The following PPFIA4 variants were observed in gnomAD, a reference collection of about 807,000 sequenced individuals.
PPFIA4 encodes liprin-alpha-4.
Under a neutral mutation model 145.7 loss-of-function variants are expected in PPFIA4, and 98 were observed. That is an observed-to-expected ratio of 0.67 (90% CI 0.57 to 0.80). The LOEUF (loss-of-function observed/expected upper bound fraction) is 0.80, where lower values mean the gene tolerates loss of function less well. Among genes scored for constraint, PPFIA4 ranks in the 30% least tolerant of loss-of-function variants. The probability of loss-of-function intolerance (pLI) is 0.00; values close to 1 mark genes in which losing one functional copy is unlikely to be tolerated. For missense variants in PPFIA4, 1,457 were observed against 1,632.7 expected, an observed-to-expected ratio of 0.89 and a Z score of 1.85; for synonymous variants, 628 against 649.6, an observed-to-expected ratio of 0.97 and a Z score of 0.51.
intron 1 of PPFIA4, among the ~76,000 whole-genome samples, chr1:203,036,729 A>G (rs1659300890): frequency 6.6e-6 from 1 of 152,196 alleles, no homozygotes; most frequent in Non-Finnish European, 1.5e-5. Context: ...GCAGCTCTGG[A>G]CAGACTGGGG....
In PPFIA4 at chr1:203,075,639, C is replaced by G. The variant is rs558653480; in HGVS notation, c.3456C>G (p.His1152Gln). The change falls in exon 29 of 30, where the codon CAC (histidine) becomes CAG (glutamine). Residue 1152 changes from histidine to glutamine, a missense_variant. Transcript: ENST00000295706. This position sits in a 1 kb window ranked among gnomAD's most constrained non-coding sequence, Gnocchi z 4.1. ...GGAAGCGCTTCCGGCCGCGGGAGCA[C>G]CACGGTCGCGGCGGCATGCTCAGCG... ...SWRKRFRPREHHGRGGMLSAS... is the reference protein window; with the variant it reads ...SWRKRFRPREQHGRGGMLSAS... The G allele has an allele frequency of 4.0e-6, 6 of 1,499,802 alleles. No individual in the cohort carries two copies. The highest frequency in any genetic ancestry group is 3.6e-6 in the Non-Finnish European group (4 of 1,123,172). 92.9% of individuals were successfully genotyped at this position (1,499,802 alleles called of 1,614,324 possible).
At chr1:203,073,519 G>C (rs1455609028) in intron 28 of PPFIA4, among the ~76,000 whole-genome samples, 1 of 151,858 alleles carries the variant, frequency 6.6e-6, no homozygotes, top group Non-Finnish European at 1.5e-5. Context: ...GTGAGGGGAG[G>C]GTCTGGGGTC....
rs1464290491 is a variant in PPFIA4 at position 203,060,417 on chromosome 1, T to C, written c.2784T>C (p.Thr928=). Residue 928 remains threonine, a splice_region_variant and synonymous_variant, in exon 22 of 30, where the codon ACT becomes ACC. Transcript: ENST00000295706. The surrounding 1 kb of genome is among the most constrained non-coding windows in gnomAD (Gnocchi z 4.8). ...CCTCTGCCCCACCCACCTCCAGGAC[T>C]GTGAGTGGCCCCTCCTTTGCCCAGG... The part of the protein sequence containing the change: ...TSPSAPPTSR[T]SSGNVWVTHE... The C allele has an allele frequency of 6.2e-7, 1 of 1,612,492 alleles. No homozygotes were observed. The highest frequency in any genetic ancestry group is 1.3e-5 in the African/African-American group (1 of 74,926).
intron 19 of PPFIA4, among the ~76,000 whole-genome samples, chr1:203,057,448 G>A (rs1194854590): frequency 2.0e-5 from 3 of 152,188 alleles, no homozygotes; most frequent in Non-Finnish European, 4.4e-5. Flanking sequence ...GCGTGGCATC[G>A]TTATCACCTC....
At position 203,068,724 on chromosome 1, in the gene PPFIA4, G is replaced by A; in HGVS notation, c.3324+96G>A. On this transcript the variant is annotated intron_variant, in intron 27 of 29. Transcript: ENST00000295706. The surrounding 1 kb of genome is among the most constrained non-coding windows in gnomAD (Gnocchi z 4.7). The stretch of plus-strand genomic sequence containing the variant: ...ATACACAAAGGCTTAGGTATCTTGG[G>A]GGGTGGGGAGCTTTTCTAGGGCCTA... 6 of 1,290,934 alleles carry A rather than the reference G, an allele frequency of 4.6e-6. No homozygotes were observed. The highest frequency in any genetic ancestry group is 6.1e-6 in the Non-Finnish European group (6 of 982,484). 80.0% of individuals were successfully genotyped at this position (1,290,934 alleles called of 1,614,324 possible). A position where few individuals can be genotyped will look rare whatever the true frequency, so the allele number is the denominator to read the frequency against.
intron 9 of PPFIA4, among the ~76,000 whole-genome samples, chr1:203,047,342 T>C (rs868115732): frequency 6.6e-6 from 1 of 152,238 alleles, no homozygotes; most frequent in South Asian, 2.1e-4. Context: ...CTCGGAGGTC[T>C]TTCCAGCCTC....
chr1:203,059,085 G>C, intron 19 of PPFIA4, 93 bp from the exon 20 acceptor site: 2 of 1,006,328 alleles, frequency 2.0e-6, no homozygotes, highest in Non-Finnish European at 3.0e-6. Flanking sequence ...CCTCTGCCAA[G>C]GAGCCTCCTG....
chr1:203,075,870 G>C lies in PPFIA4; in HGVS notation c.3574+113G>C. On this transcript the variant is annotated intron_variant, in intron 29 of 29. Transcript: ENST00000295706. The surrounding 1 kb of genome is among the most constrained non-coding windows in gnomAD (Gnocchi z 4.1). Reference sequence around the variant, plus strand: ...GGCGAGGCCGAGGCTGGTGCCCCGCGCTCCTGCGCTGCAGCTGCACTAACG... The same window carrying C: ...GGCGAGGCCGAGGCTGGTGCCCCGCCCTCCTGCGCTGCAGCTGCACTAACG... 2 of 1,080,416 alleles carry C rather than the reference G, an allele frequency of 1.9e-6. No homozygotes were observed. The highest frequency in any genetic ancestry group is 2.5e-6 in the Non-Finnish European group (2 of 812,704). 66.9% of individuals were successfully genotyped at this position (1,080,416 alleles called of 1,614,324 possible).
At chr1:203,072,445 A>G (rs1177378065) in intron 28 of PPFIA4, among the ~76,000 whole-genome samples, 2 of 152,218 alleles carry the variant, frequency 1.3e-5, no homozygotes, top group African/African-American at 4.8e-5. Context: ...AGACCCTGGC[A>G]TTCTAAGCCA....
rs1329189708 is a variant in PPFIA4 at position 203,075,449 on chromosome 1, C to G, written c.3394-128C>G. On this transcript the variant is annotated intron_variant, in intron 28 of 29. Coordinates refer to ENST00000295706, the MANE Select transcript of PPFIA4 (RefSeq NM_001304331.2). The surrounding 1 kb of genome is among the most constrained non-coding windows in gnomAD (Gnocchi z 4.1). The stretch of plus-strand genomic sequence containing the variant: ...CAAGGCTAGAAAGGGGAAGTGACCT[C>G]GCTCCCTCTTTCCAAAGGGGTGGGA... 3 of 701,712 alleles carry G rather than the reference C, an allele frequency of 4.3e-6. No individual in the cohort carries two copies. Among genetic ancestry groups the G allele is most frequent in the Non-Finnish European group, 6.0e-6 (3 of 498,764 alleles). The allele number at this position is 701,712 out of a possible 1,614,324, so 43.5% of individuals were successfully genotyped here.
At chr1:203,056,284 C>T in intron 17 of PPFIA4, 91 bp from the exon 18 acceptor site, 1 of 1,598,070 alleles carries the variant, frequency 6.3e-7, no homozygotes, top group Non-Finnish European at 8.5e-7. Context: ...CTCCCCACTG[C>T]ATTTCTCCAT....
At chr1:203,032,691 T>C (rs755522276) in intron 1 of PPFIA4, among the ~76,000 whole-genome samples, 9 of 150,986 alleles carry the variant, frequency 6.0e-5, no homozygotes, top group Non-Finnish European at 1.2e-4. Flanking sequence ...CAAGCAGTCT[T>C]TCACCTCATC....
At chr1:203,032,430 T>TTTTTTTTGTTG (rs57892403) in intron 1 of PPFIA4, among the ~76,000 whole-genome samples, 9 of 139,424 alleles carry the variant, frequency 6.5e-5, no homozygotes, top group African/African-American at 1.1e-4. Context: ...TCCCCGCTTT[T>TTTTTTTTGTTG]TTGTTGTTGT....
intron 17 of PPFIA4, 110 bp downstream of exon 17, chr1:203,056,265 A>G: frequency 6.3e-7 from 1 of 1,595,036 alleles, no homozygotes; most frequent in Non-Finnish European, 8.6e-7. Flanking sequence ...TCAGAGAGGC[A>G]CCCAGGGCCT....
rs1056388263 is a variant in PPFIA4, at chr1:203,053,658, A to G, written c.1621-95A>G. The G allele has an allele frequency of 2.0e-5, 20 of 1,002,388 alleles. No homozygotes were observed. The Admixed American group carries it at 4.2e-4, about 21-fold the overall frequency. 62.1% of individuals were successfully genotyped at this position (1,002,388 alleles called of 1,614,324 possible). On this transcript the variant is annotated intron_variant, in intron 14 of 29. Coordinates refer to ENST00000295706, the MANE Select transcript of PPFIA4 (RefSeq NM_001304331.2). ...TCTGCATTTCCAGCAAGCTCCCAGG[A>G]GATGCCAGTGCTGGTGGGTAGAGGT...
intron 18 of PPFIA4, 40 bp downstream of exon 18, chr1:203,056,548 A>G (rs1229501721): frequency 6.2e-7 from 1 of 1,601,902 alleles, no homozygotes; most frequent in Non-Finnish European, 8.5e-7. Flanking sequence ...CTCCATCCAC[A>G]GGGTCCTCTC....
chr1:203,035,249 C>G (rs1480032495), intron 1 of PPFIA4: 2 of 456,450 alleles, frequency 4.4e-6, no homozygotes, highest in Non-Finnish European at 4.4e-6. Context: ...CGGCCCTGCC[C>G]CGGGCTGTGG....
chr1:203,048,911 C>T lies in PPFIA4; in HGVS notation c.1357-7C>T, dbSNP rs537758884. 7.8e-6 allele frequency: 12 copies of T among 1,548,306 alleles called. No individual in the cohort carries two copies. The highest frequency in any genetic ancestry group is 1.2e-5 in the South Asian group (1 of 83,946). On this transcript the variant is annotated splice_region_variant and splice_polypyrimidine_tract_variant and intron_variant, in intron 11 of 29. Coordinates refer to ENST00000295706, the MANE Select transcript of PPFIA4 (RefSeq NM_001304331.2). This position sits in a 1 kb window ranked among gnomAD's most constrained non-coding sequence, Gnocchi z 5.8. ...CAGGGGCCTGGCTCACAGCTGCTCT[C>T]CCCCAGAACACGTTGATCCAGGAGT...
At position 203,043,446 on chromosome 1, in the gene PPFIA4, T is replaced by C. The variant is rs1409168971; in HGVS notation, c.284T>C (p.Leu95Pro). 1 of 1,611,592 alleles carries C rather than the reference T, an allele frequency of 6.2e-7. No homozygotes were observed. Among genetic ancestry groups the C allele is most frequent in the African/African-American group, 1.3e-5 (1 of 74,878 alleles). The change falls in exon 3 of 30, where the codon CTA becomes CCA. Residue 95 changes from leucine to proline, a missense_variant. Physicochemically the swap from Leu to Pro is moderately conservative, Grantham distance 98. This residue lies in a region of PPFIA4 where 463 missense variants were observed against 459.8 expected (regional missense o/e 1.01). Coordinates refer to ENST00000295706, the MANE Select transcript of PPFIA4 (RefSeq NM_001304331.2). The surrounding 1 kb of genome is among the most constrained non-coding windows in gnomAD (Gnocchi z 4.4). ...CTGAGCATGTGTCGGGAGCAGCTTCTAGAGCGGGAGGAAGAGATATCAGAA... is the reference window on the plus strand; with the variant it reads ...CTGAGCATGTGTCGGGAGCAGCTTCCAGAGCGGGAGGAAGAGATATCAGAA... ...RELSMCREQL[L>P]EREEEISELK...
Sources: gnomAD v4.1 joint callset for allele counts (sites outside exome capture counted in the v4.1 genomes callset) on GRCh38, gnomAD v4.1.1 for gene constraint, gnomAD v4.1.1 regional missense constraint, Gnocchi (gnomAD v3.1) non-coding constraint, MANE v1.5 for transcripts, NCBI Gene and HGNC (gene_info 2026-07-23, HGNC 2026-07-21) for gene names.